GABRG2: variants seen among roughly 807,000 people sequenced by gnomAD.
GABRG2 encodes gamma-aminobutyric acid type A receptor subunit gamma2, also known as gamma-aminobutyric acid receptor subunit gamma-2.
A neutral mutation model predicts 56.4 loss-of-function variants in GABRG2; 16 were observed. The observed-to-expected ratio is 0.28, with a 90% CI of 0.19 to 0.43. The LOEUF is 0.43. Among genes scored for constraint, GABRG2 ranks in the 20% least tolerant of loss-of-function variants. The pLI is 1.00. For missense variants in GABRG2, 327 were observed against 582.7 expected (o/e 0.56, Z 4.52); for synonymous variants, 208 against 205.5 (o/e 1.01, Z -0.10).
chr5:162,105,005 C>T (rs1276732530), intron 6 of GABRG2, among the ~76,000 whole-genome samples: 1 of 152,136 alleles, frequency 6.6e-6, no homozygotes, highest in Non-Finnish European at 1.5e-5. Context: ...CAAATACAAA[C>T]ATTGTGTTCT....
chr5:162,087,605 A>G (rs1269446591), intron 1 of GABRG2, among the ~76,000 whole-genome samples: 1 of 152,224 alleles, frequency 6.6e-6, no homozygotes, highest in African/African-American at 2.4e-5. Flanking sequence ...GGTTGAAGTC[A>G]ATGCCATGGA....
chr5:162,076,620 G>C (rs2113153580), intron 1 of GABRG2, among the ~76,000 whole-genome samples: 1 of 152,220 alleles, frequency 6.6e-6, no homozygotes, highest in Non-Finnish European at 1.5e-5. Context: ...CAAAGACATT[G>C]TAAAACATTA....
intron 6 of GABRG2, among the ~76,000 whole-genome samples, chr5:162,139,197 A>T (rs976563091): frequency 6.6e-6 from 1 of 152,224 alleles, no homozygotes; most frequent in African/African-American, 2.4e-5. Flanking sequence ...AAAATACTGT[A>T]ACTTTAATGT....
chr5:162,102,364 G>A (rs1418534261), intron 5 of GABRG2: 5 of 385,580 alleles, frequency 1.3e-5, no homozygotes, highest in East Asian at 7.3e-5. Flanking sequence ...TCTTTCTTGC[G>A]TCAGCTAAAA....
chr5:162,143,391 A>G (rs975658540), intron 7 of GABRG2, among the ~76,000 whole-genome samples: 10 of 152,246 alleles, frequency 6.6e-5, no homozygotes, highest in Non-Finnish European at 1.0e-4. Flanking sequence ...ATTATTTGCA[A>G]TTTGCTCAAT....
chr5:162,114,343 G>T (rs1762461680), intron 6 of GABRG2, among the ~76,000 whole-genome samples: 1 of 151,946 alleles, frequency 6.6e-6, no homozygotes, highest in African/African-American at 2.4e-5. Flanking sequence ...TATAAAAATG[G>T]GGAAAATTAG....
chr5:162,140,623 GAATTTAAT>G (rs149805535), intron 6 of GABRG2, among the ~76,000 whole-genome samples: 3,430 of 152,236 alleles, frequency 0.023, 144 homozygotes, highest in African/African-American at 0.078. Flanking sequence ...GATATGATTT[GAATTTAAT>G]TATCTATGTA....
intron 6 of GABRG2, among the ~76,000 whole-genome samples, chr5:162,123,479 A>C (rs1379588558): frequency 6.6e-6 from 1 of 151,914 alleles, no homozygotes; most frequent in Non-Finnish European, 1.5e-5. Flanking sequence ...CCAATAAAAA[A>C]TAATTATGCA....
intron 1 of GABRG2, among the ~76,000 whole-genome samples, chr5:162,072,065 T>C (rs537962313): frequency 6.6e-6 from 1 of 152,024 alleles, no homozygotes; most frequent in African/African-American, 2.4e-5. Flanking sequence ...GTTATATAAA[T>C]GTCTCTTTCA....
chr5:162,113,826 C>T (rs1353905331), intron 6 of GABRG2, among the ~76,000 whole-genome samples: 1 of 152,172 alleles, frequency 6.6e-6, no homozygotes. Flanking sequence ...TTGTAATCGC[C>T]TACTGATCAC....
chr5:162,090,301 GACATACACATAC>G (rs1554097405), intron 1 of GABRG2, among the ~76,000 whole-genome samples: 1 of 145,504 alleles, frequency 6.9e-6, no homozygotes, highest in Non-Finnish European at 1.5e-5. Context: ...TATACACATA[GACATACACATAC>G]ACATACACAT....
intron 6 of GABRG2, among the ~76,000 whole-genome samples, chr5:162,117,478 T>C (rs1762697682): frequency 6.6e-6 from 1 of 152,160 alleles, no homozygotes; most frequent in African/African-American, 2.4e-5. Context: ...AACAGTCCTG[T>C]GTAAGAGGAA....
At chr5:162,098,147 T>C (rs1394495659) in intron 4 of GABRG2, 7 of 438,674 alleles carry the variant, frequency 1.6e-5, no homozygotes, top group African/African-American at 4.0e-5. Flanking sequence ...TGCAAGATCA[T>C]CTGACCTTTG....
chr5:162,101,500 C>T, intron 5 of GABRG2, 183 bp downstream of exon 5: 1 of 620,432 alleles, frequency 1.6e-6, no homozygotes, highest in Non-Finnish European at 2.9e-6. Flanking sequence ...GTGATTCCTG[C>T]AAAAGAAGGG....
intron 4 of GABRG2, chr5:162,100,027 G>A (rs1482890183): frequency 6.6e-6 from 1 of 152,086 alleles, no homozygotes; most frequent in Non-Finnish European, 1.5e-5. Context: ...CCTTTGAAGA[G>A]CATATAAATA....
At chr5:162,077,301 T>G (rs1009949997) in intron 1 of GABRG2, among the ~76,000 whole-genome samples, 14 of 152,174 alleles carry the variant, frequency 9.2e-5, no homozygotes, top group Admixed American at 2.0e-4. Flanking sequence ...CAGCTTCTTT[T>G]GCTCAACATA....
At chr5:162,114,940 G>A (rs1364023939) in intron 6 of GABRG2, among the ~76,000 whole-genome samples, 4 of 151,264 alleles carry the variant, frequency 2.6e-5, no homozygotes, top group Non-Finnish European at 5.9e-5. Flanking sequence ...TTGGTTTGTT[G>A]CCGTTTTGCT....
In GABRG2 at chr5:162,153,443, A is replaced by AGG; in HGVS notation, c.*75_*76insGG. 1 of 1,487,438 alleles carries AGG rather than the reference A, an allele frequency of 6.7e-7. No homozygotes were observed. Among genetic ancestry groups the AGG allele is most frequent in the Non-Finnish European group, 9.4e-7 (1 of 1,065,994 alleles). The allele number at this position is 1,487,438 out of a possible 1,614,324, so 92.1% of individuals were successfully genotyped here. Reference sequence around the variant, plus strand: ...GAGATGTCTGTTCTAAGTCCACTTAAATAATCCTCTATGTGGTTGATAATG... The same window carrying AGG: ...GAGATGTCTGTTCTAAGTCCACTTAAGGATAATCCTCTATGTGGTTGATAATG... On this transcript the variant is annotated 3_prime_UTR_variant, in exon 10 of 10. Coordinates refer to ENST00000639213, the MANE Select transcript of GABRG2 (RefSeq NM_198904.4).
chr5:162,104,988 C>T (rs192425356), intron 6 of GABRG2, among the ~76,000 whole-genome samples: 20 of 152,122 alleles, frequency 1.3e-4, no homozygotes, highest in African/African-American at 2.9e-4. Flanking sequence ...TACATATGTT[C>T]GAATTTCAAA....
Sources: gnomAD v4.1 joint callset for allele counts (sites outside exome capture counted in the v4.1 genomes callset) on GRCh38, gnomAD v4.1.1 for gene constraint, MANE v1.5 for transcripts, NCBI Gene and HGNC (gene_info 2026-07-23, HGNC 2026-07-21) for gene names.